Variants in CACNB2 observed in about 807,000 individuals in gnomAD.
The protein encoded by CACNB2 is voltage-dependent L-type calcium channel subunit beta-2.
CACNB2 carries 42 observed loss-of-function variants against 73.3 expected under a neutral mutation model. The observed-to-expected ratio is 0.57, with a 90% CI of 0.45 to 0.74. CACNB2 has a LOEUF of 0.74. Ranked by LOEUF, CACNB2 falls within the 30% of genes least tolerant of loss-of-function variation. CACNB2 has a pLI of 0.00. For missense variants in CACNB2, 940 were observed against 853.0 expected (o/e 1.10, Z -1.27); for synonymous variants, 348 against 310.3 (o/e 1.12, Z -1.28).
At chr10:18,450,802 T>C (rs2046985577) in intron 3 of CACNB2, among the ~76,000 whole-genome samples, 1 of 151,988 alleles carries the variant, frequency 6.6e-6, no homozygotes. Context: ...TTTGTTGCTG[T>C]TGTTGTCATA....
intron 7 of CACNB2, among the ~76,000 whole-genome samples, chr10:18,517,194 C>T (rs2051367888): frequency 1.3e-5 from 2 of 152,096 alleles, no homozygotes; most frequent in Admixed American, 1.3e-4. Flanking sequence ...GTGTGATTCT[C>T]AAGTTATATT....
At chr10:18,284,019 G>A (rs2038678004) in intron 2 of CACNB2, among the ~76,000 whole-genome samples, 1 of 151,678 alleles carries the variant, frequency 6.6e-6, no homozygotes, top group African/African-American at 2.4e-5. Context: ...GTAAGAATAA[G>A]TTTTTCCTTT....
At chr10:18,447,792 T>A (rs990644964) in intron 3 of CACNB2, among the ~76,000 whole-genome samples, 6 of 151,770 alleles carry the variant, frequency 4.0e-5, no homozygotes, top group African/African-American at 1.5e-4. Flanking sequence ...AAAATAAAGA[T>A]TTAATGAAAG....
intron 2 of CACNB2, among the ~76,000 whole-genome samples, chr10:18,239,316 C>T (rs11013126): frequency 0.32 from 48,525 of 151,904 alleles, 9,499 homozygotes; most frequent in Non-Finnish European, 0.42. Flanking sequence ...ACCTCCCTCC[C>T]ACCTTTCCGA....
intron 11 of CACNB2, among the ~76,000 whole-genome samples, chr10:18,535,183 A>G (rs2053442347): frequency 6.6e-6 from 1 of 152,226 alleles, no homozygotes; most frequent in Admixed American, 6.5e-5. Context: ...AGACAGACCA[A>G]TGGAATGTCA....
At chr10:18,484,730 A>C (rs572945667) in intron 3 of CACNB2, among the ~76,000 whole-genome samples, 1 of 152,218 alleles carries the variant, frequency 6.6e-6, no homozygotes, top group Non-Finnish European at 1.5e-5. Flanking sequence ...TCAACCACGC[A>C]GTGCTGGATT....
chr10:18,488,493 AAAAAAAG>A (rs1417970533), intron 3 of CACNB2, among the ~76,000 whole-genome samples: 1 of 150,800 alleles, frequency 6.6e-6, no homozygotes, highest in African/African-American at 2.4e-5. Context: ...AAAAAAAAAA[AAAAAAAG>A]AAAATCAGGA....
chr10:18,458,768 T>C (rs2047411328), intron 3 of CACNB2, among the ~76,000 whole-genome samples: 3 of 149,214 alleles, frequency 2.0e-5, no homozygotes. Context: ...GTGAACTTTT[T>C]TTTTTTTTTT....
chr10:18,267,314 T>C (rs1368060862), intron 2 of CACNB2, among the ~76,000 whole-genome samples: 1 of 152,096 alleles, frequency 6.6e-6, no homozygotes, highest in Non-Finnish European at 1.5e-5. Context: ...TTTATTAAAA[T>C]TAAATAAGGG....
At chr10:18,489,231 A>G (rs1050057996) in intron 3 of CACNB2, among the ~76,000 whole-genome samples, 4 of 151,948 alleles carry the variant, frequency 2.6e-5, no homozygotes, top group Admixed American at 1.3e-4. Flanking sequence ...GAAACAAAAA[A>G]TACAAAAAAT....
chr10:18,453,338 C>T (rs2047106111), intron 3 of CACNB2, among the ~76,000 whole-genome samples: 1 of 152,198 alleles, frequency 6.6e-6, no homozygotes, highest in Non-Finnish European at 1.5e-5. Context: ...TAAACTAGCT[C>T]GTGTCAGCCT....
intron 2 of CACNB2, among the ~76,000 whole-genome samples, chr10:18,300,742 G>A (rs1445033116): frequency 3.3e-5 from 5 of 152,106 alleles, no homozygotes; most frequent in Admixed American, 6.6e-5. Flanking sequence ...CCAGCTACTC[G>A]GGAGGCTGAG....
intron 3 of CACNB2, among the ~76,000 whole-genome samples, chr10:18,447,314 T>G (rs957133863): frequency 3.9e-5 from 6 of 152,160 alleles, no homozygotes; most frequent in African/African-American, 1.4e-4. Flanking sequence ...GTTGCATGTT[T>G]TGTGGAAGTA....
intron 2 of CACNB2, among the ~76,000 whole-genome samples, chr10:18,259,571 A>ACG (rs1588871716): frequency 9.1e-6 from 1 of 110,338 alleles, no homozygotes; most frequent in South Asian, 2.4e-4. Context: ...AAACAAAAAA[A>ACG]AAAAGTAAAA....
At chr10:18,341,462 T>C (rs540699894) in intron 2 of CACNB2, among the ~76,000 whole-genome samples, 1 of 152,258 alleles carries the variant, frequency 6.6e-6, no homozygotes, top group African/African-American at 2.4e-5. Context: ...CAGTCTAAAG[T>C]TTAAAATACT....
intron 3 of CACNB2, among the ~76,000 whole-genome samples, chr10:18,495,676 G>T (rs973932919): frequency 1.3e-5 from 2 of 151,688 alleles, no homozygotes; most frequent in African/African-American, 2.4e-5. Context: ...CCCTCCCAAA[G>T]TGTTGGGATT....
intron 2 of CACNB2, among the ~76,000 whole-genome samples, chr10:18,182,830 A>C (rs979209381): frequency 1.3e-5 from 2 of 151,994 alleles, no homozygotes; most frequent in South Asian, 2.1e-4. Flanking sequence ...TCAAAAAAAA[A>C]AAAAACAAAA....
At chr10:18,293,792 T>G (rs1408726959) in intron 2 of CACNB2, among the ~76,000 whole-genome samples, 1 of 152,160 alleles carries the variant, frequency 6.6e-6, no homozygotes, top group Non-Finnish European at 1.5e-5. Context: ...AGTCATTTGG[T>G]TGGTGTGTGC....
intron 3 of CACNB2, among the ~76,000 whole-genome samples, chr10:18,431,751 C>T (rs2045899953): frequency 7.4e-6 from 1 of 134,682 alleles, no homozygotes; most frequent in South Asian, 2.6e-4. Flanking sequence ...TTGTTGACCT[C>T]ATTGAATCTC....
Sources: gnomAD v4.1 joint callset for allele counts (sites outside exome capture counted in the v4.1 genomes callset) on GRCh38, gnomAD v4.1.1 for gene constraint, MANE v1.5 for transcripts, NCBI Gene and HGNC (gene_info 2026-07-23, HGNC 2026-07-21) for gene names.